ANKRD30A: variants seen among roughly 807,000 people sequenced by gnomAD.
The protein encoded by ANKRD30A is ankyrin repeat domain 30A, also known as ankyrin repeat domain-containing protein 30A.
ANKRD30A carries 170 observed loss-of-function variants against 166.3 expected under a neutral mutation model. The observed-to-expected ratio is 1.02, with a 90% CI of 0.90 to 1.16. ANKRD30A has a LOEUF of 1.16. Ranked by LOEUF, ANKRD30A falls within the 50% of genes most tolerant of loss-of-function variation. The probability of loss-of-function intolerance (pLI) is 0.00; values close to 1 mark genes in which losing one functional copy is unlikely to be tolerated. For synonymous variants in ANKRD30A, 564 were observed against 508.9 expected (o/e 1.11, Z -1.46); for missense variants, 1,630 against 1,518.0 (o/e 1.07, Z -1.23).
At position 37,129,288 on chromosome 10, in the gene ANKRD30A, A is replaced by C. The variant is rs572749077; in HGVS notation, c.222-605A>C. On this transcript the variant is annotated intron_variant, in intron 1 of 35. Coordinates refer to ENST00000361713, the MANE Select transcript of ANKRD30A (RefSeq NM_052997.3). ...TTTCTGCCAAATATAGTTGTAATAA[A>C]TAATGAACTATAAGTGGCATTTCAA... Among the ~76,000 whole-genome samples, 8 of 152,364 alleles carry C rather than the reference A, an allele frequency of 5.3e-5. No homozygotes were observed. The South Asian group carries it at 1.7e-3, about 32-fold the overall frequency.
chr10:37,207,265 A>G (rs951211610), intron 31 of ANKRD30A, among the ~76,000 whole-genome samples: 20 of 152,178 alleles, frequency 1.3e-4, no homozygotes, highest in Non-Finnish European at 4.4e-5. Flanking sequence ...CTTCTCAATT[A>G]TAAGATAAAT....
At position 37,130,319 on chromosome 10, in the gene ANKRD30A, A is replaced by G. The variant is rs777736472; in HGVS notation, c.451A>G (p.Ile151Val). 1.9e-6 allele frequency: 3 copies of G among 1,590,128 alleles called. No individual in the cohort carries two copies. The highest frequency in any genetic ancestry group is 1.7e-6 in the Non-Finnish European group (2 of 1,168,958). ...TCTCCATTATGCTGTTTATAGTGAG[A>G]TTTTGTCAGTGGTGGCAAAACTGCT... ...TALHYAVYSE[I>V]LSVVAKLLSH... The change falls in exon 3 of 36, where the codon ATT becomes GTT. Residue 151 changes from isoleucine to valine, a missense_variant. Physicochemically the swap from Ile to Val is conservative, Grantham distance 29. Transcript: ENST00000361713.
At chr10:37,200,465 C>T (rs1206454846) in intron 30 of ANKRD30A, among the ~76,000 whole-genome samples, 10 of 152,102 alleles carry the variant, frequency 6.6e-5, no homozygotes, top group East Asian at 1.9e-4. Flanking sequence ...AAGGTCACAA[C>T]GGCGGAAAGA....
At chr10:37,153,136 AC>A (rs1280123899) in intron 12 of ANKRD30A, among the ~76,000 whole-genome samples, 13 of 152,168 alleles carry the variant, frequency 8.5e-5, no homozygotes, top group Admixed American at 7.9e-4. Context: ...ATCATTTTTA[AC>A]ACTAAACAGT....
At chr10:37,253,178 C>T in the ANKRD30A span, among the ~76,000 whole-genome samples, 1 of 152,164 alleles carries the variant, frequency 6.6e-6, no homozygotes, top group Non-Finnish European at 1.5e-5. Context: ...TCACTTCTTA[C>T]CATGTCTATC....
At chr10:37,233,732 A>C (rs764494741), downstream of ANKRD30A, among the ~76,000 whole-genome samples, 4 of 152,172 alleles carry the variant, frequency 2.6e-5, no homozygotes, top group Admixed American at 6.5e-5. Flanking sequence ...TACAGAAAGA[A>C]GATGCCTACT....
intron 25 of ANKRD30A, among the ~76,000 whole-genome samples, chr10:37,189,945 T>G (rs184729945): frequency 6.6e-6 from 1 of 151,856 alleles, no homozygotes. Flanking sequence ...AGATCGGGTA[T>G]GGTTAGAAAT....
chr10:37,220,008 T>TG, intron 34 of ANKRD30A, 111 bp downstream of exon 34: 1 of 167,150 alleles, frequency 6.0e-6, no homozygotes, highest in Non-Finnish European at 1.2e-5. Context: ...TATATATATA[T>TG]ATATATATAT....
Position 37,147,414 on chromosome 10 carries a change from G to A in ANKRD30A, c.1500G>A (p.Glu500=), listed in dbSNP as rs1482942877. Residue 500 remains glutamate (E), a synonymous_variant, in exon 9 of 36, where the codon GAG becomes GAA. Transcript: ENST00000361713. ...SSAKIQVCIP[E]SIYQKVMEIN... ...CAAAGATTCAAGTGTGTATACCTGAGTCTATATATCAAAAAGTAATGGAGA... is the reference window on the plus strand; with the variant it reads ...CAAAGATTCAAGTGTGTATACCTGAATCTATATATCAAAAAGTAATGGAGA... 1 of 1,596,956 alleles carries A rather than the reference G, an allele frequency of 6.3e-7. No homozygotes were observed. Among genetic ancestry groups the A allele is most frequent in the Non-Finnish European group, 8.5e-7 (1 of 1,172,350 alleles).
At position 37,197,496 on chromosome 10, in the gene ANKRD30A, T is replaced by G. The variant is rs2997346; in HGVS notation, c.2716+16T>G. ...TTGAGAGCAGGTACATTTTTCAATG[T>G]AACTATGCGAAGACCAATATTTCAA... On this transcript the variant is annotated intron_variant, in intron 29 of 35. Coordinates refer to ENST00000361713, the MANE Select transcript of ANKRD30A (RefSeq NM_052997.3). 29 of 1,611,824 alleles carry G rather than the reference T, an allele frequency of 1.8e-5. No individual in the cohort carries two copies. The highest frequency in any genetic ancestry group is 1.3e-4 in the African/African-American group (10 of 74,838).
rs1362856523 is a variant in ANKRD30A at position 37,217,795 on chromosome 10, GAGTT to G, written c.3187_3190del (p.Leu1063LysfsTer2). On this transcript the variant is annotated frameshift_variant, in exon 33 of 36. Transcript: ENST00000361713. LOFTEE classifies it high-confidence loss of function. ...AAGAATCGAAGAGCAGCATAGGAAA[GAGTT>G]AGAAGTGAAACAACAACTTGAACAG... The G allele has an allele frequency of 1.2e-6, 2 of 1,600,382 alleles. No homozygotes were observed. Among genetic ancestry groups the G allele is most frequent in the Non-Finnish European group, 1.7e-6 (2 of 1,172,654 alleles).
intron 13 of ANKRD30A, among the ~76,000 whole-genome samples, chr10:37,156,696 A>T (rs1564501017): frequency 6.6e-6 from 1 of 152,198 alleles, no homozygotes; most frequent in Non-Finnish European, 1.5e-5. Context: ...TATTTCTCAC[A>T]GTTTTACCTA....
chr10:37,141,640 G>A (rs1837129836), intron 6 of ANKRD30A, 78 bp from the exon 7 acceptor site: 3 of 1,511,216 alleles, frequency 2.0e-6, no homozygotes, highest in Non-Finnish European at 2.7e-6. Context: ...TACAGAATGA[G>A]TAGAAGTTTG....
chr10:37,190,502 A>T (rs1408761926), intron 25 of ANKRD30A, among the ~76,000 whole-genome samples: 1 of 151,842 alleles, frequency 6.6e-6, no homozygotes, highest in Non-Finnish European at 1.5e-5. Context: ...TCAAAGTAAA[A>T]GGAAAGAGTT....
At chr10:37,210,803 A>G (rs577483173) in intron 31 of ANKRD30A, among the ~76,000 whole-genome samples, 1 of 151,980 alleles carries the variant, frequency 6.6e-6, no homozygotes, top group South Asian at 2.1e-4. Context: ...TGCTCACTTT[A>G]TGATGGGGTT....
At chr10:37,202,260 A>T (rs933955113) in intron 31 of ANKRD30A, among the ~76,000 whole-genome samples, 16 of 152,184 alleles carry the variant, frequency 1.1e-4, no homozygotes, top group Non-Finnish European at 2.2e-4. Flanking sequence ...CAGCAAATGT[A>T]AAAGAACAGA....
intron 27 of ANKRD30A, among the ~76,000 whole-genome samples, chr10:37,195,663 G>C (rs1052066811): frequency 7.2e-5 from 11 of 152,184 alleles, no homozygotes; most frequent in African/African-American, 2.7e-4. Flanking sequence ...GGGAGGCCGT[G>C]ACTGACAGAT....
chr10:37,164,770 A>G (rs1839176043), intron 17 of ANKRD30A, among the ~76,000 whole-genome samples: 1 of 152,130 alleles, frequency 6.6e-6, no homozygotes, highest in South Asian at 2.1e-4. Context: ...AGGTAATTAC[A>G]GTTTTCTGAA....
At chr10:37,198,167 T>G (rs1841307721) in intron 29 of ANKRD30A, among the ~76,000 whole-genome samples, 1 of 152,172 alleles carries the variant, frequency 6.6e-6, no homozygotes, top group Admixed American at 6.6e-5. Flanking sequence ...TCTAAACTGT[T>G]TTTTAAAACT....
Sources: allele counts gnomAD v4.1 joint callset (sites outside exome capture counted in the v4.1 genomes callset), GRCh38; gene constraint gnomAD v4.1.1; transcripts MANE v1.5; gene names NCBI Gene and HGNC (gene_info 2026-07-23, HGNC 2026-07-21).